Variants in VWA8 observed in about 807,000 individuals in gnomAD.
VWA8 encodes the protein von Willebrand factor A domain-containing protein 8.
In VWA8, 221 loss-of-function variants were observed where a neutral mutation model predicts 241.5. That is an observed-to-expected ratio of 0.91 (90% CI 0.82 to 1.02). VWA8 has a LOEUF of 1.02. VWA8 is among the 50% of genes least tolerant of loss of function. VWA8 has a pLI of 0.00. For synonymous variants in VWA8, 852 were observed against 827.1 expected (o/e 1.03, Z -0.52); for missense variants, 2,322 against 2,328.7 (o/e 1.00, Z 0.06).
intron 12 of VWA8, among the ~76,000 whole-genome samples, chr13:41,864,831 C>CA (rs1471143553): frequency 6.6e-6 from 1 of 151,762 alleles, no homozygotes; most frequent in Non-Finnish European, 1.5e-5. Flanking sequence ...TACTAAAATA[C>CA]AAAAAAATTA....
At chr13:41,786,313 T>G (rs1869185779) in intron 18 of VWA8, among the ~76,000 whole-genome samples, 1 of 152,162 alleles carries the variant, frequency 6.6e-6, no homozygotes, top group Non-Finnish European at 1.5e-5. Flanking sequence ...ACCAGCATAT[T>G]AATTGAAGGG....
At chr13:41,754,739 C>T (rs2045681520) in intron 21 of VWA8, among the ~76,000 whole-genome samples, 1 of 152,084 alleles carries the variant, frequency 6.6e-6, no homozygotes. Context: ...ACCATACTTA[C>T]TTCCGCAACA....
chr13:41,685,114 TAA>T lies in VWA8; in HGVS notation c.4258_4259del (p.Leu1420ArgfsTer37), dbSNP rs2045126562. 6.2e-7 allele frequency: 1 copy of T among 1,613,676 alleles called. No individual in the cohort carries two copies. Among genetic ancestry groups the T allele is most frequent in the Non-Finnish European group, 8.5e-7 (1 of 1,179,742 alleles). ...AAATCCTCACTACCTGATTCGTATC[TAA>T]AAGAGTCACACAATTGCTTTGTTTT... is the stretch of plus-strand genomic sequence containing the variant. ...TPKQSNCVTL[L>X]DTNQVVRILP... On this transcript the variant is annotated frameshift_variant, in exon 35 of 45. Transcript: ENST00000379310. LOFTEE classifies it high-confidence loss of function.
intron 26 of VWA8, among the ~76,000 whole-genome samples, chr13:41,709,217 T>G (rs2045301483): frequency 6.6e-6 from 1 of 152,136 alleles, no homozygotes; most frequent in African/African-American, 2.4e-5. Context: ...CTTACTAGAG[T>G]GTTAATGCAT....
chr13:41,722,223 G>A (rs2045398594), intron 24 of VWA8, among the ~76,000 whole-genome samples: 1 of 152,148 alleles, frequency 6.6e-6, no homozygotes, highest in African/African-American at 2.4e-5. Flanking sequence ...GAGTAAACCT[G>A]TAGAGACATT....
At chr13:41,754,104 G>T (rs2045675858) in intron 21 of VWA8, among the ~76,000 whole-genome samples, 1 of 152,072 alleles carries the variant, frequency 6.6e-6, no homozygotes, top group Non-Finnish European at 1.5e-5. Context: ...AATCTTCAGT[G>T]TATGTATTTT....
At chr13:41,860,090 C>A (rs1482389789) in intron 12 of VWA8, among the ~76,000 whole-genome samples, 1 of 152,106 alleles carries the variant, frequency 6.6e-6, no homozygotes, top group African/African-American at 2.4e-5. Flanking sequence ...TAATAAAAAG[C>A]AACTGATTAT....
At chr13:41,738,887 G>C (rs539220303) in intron 21 of VWA8, among the ~76,000 whole-genome samples, 4 of 152,250 alleles carry the variant, frequency 2.6e-5, no homozygotes, top group South Asian at 4.1e-4. Flanking sequence ...GATGCAACCA[G>C]CATGTGTGGC....
At chr13:41,748,553 C>T (rs1280448293) in intron 21 of VWA8, among the ~76,000 whole-genome samples, 1 of 152,148 alleles carries the variant, frequency 6.6e-6, no homozygotes, top group Non-Finnish European at 1.5e-5. Flanking sequence ...AAACTAGCTC[C>T]TAGATCCACT....
intron 17 of VWA8, among the ~76,000 whole-genome samples, chr13:41,805,388 G>C (rs1293234632): frequency 1.3e-5 from 2 of 152,132 alleles, no homozygotes; most frequent in Non-Finnish European, 2.9e-5. Flanking sequence ...AAATATATAT[G>C]CACCCAATAC....
At chr13:41,806,001 T>A (rs12872293) in intron 17 of VWA8, among the ~76,000 whole-genome samples, 1,753 of 117,608 alleles carry the variant, frequency 0.015, 1 homozygote, top group Middle Eastern at 0.022. Flanking sequence ...AATTCAAAAA[T>A]AAAAAAAAAA....
At chr13:41,634,725 A>T (rs2044746389) in intron 37 of VWA8, among the ~76,000 whole-genome samples, 1 of 151,512 alleles carries the variant, frequency 6.6e-6, no homozygotes. Flanking sequence ...AAAACAGACT[A>T]AATTATTTCT....
chr13:41,957,928 C>T (rs1223832303), intron 1 of VWA8, among the ~76,000 whole-genome samples: 2 of 152,226 alleles, frequency 1.3e-5, no homozygotes, highest in African/African-American at 4.8e-5. Context: ...ATATTTGAAT[C>T]CATTTAACAT....
intron 44 of VWA8, 39 bp downstream of exon 44, chr13:41,570,429 C>G (rs2044292573): frequency 1.3e-6 from 2 of 1,569,064 alleles, no homozygotes; most frequent in African/African-American, 1.4e-5. Flanking sequence ...CTCAGTATCT[C>G]TGTACCTGCC....
At chr13:41,572,843 C>A (rs1426247792) in intron 43 of VWA8, among the ~76,000 whole-genome samples, 1 of 148,736 alleles carries the variant, frequency 6.7e-6, no homozygotes, top group East Asian at 2.0e-4. Flanking sequence ...GGCGCGGTGG[C>A]TCACGTCTGT....
intron 12 of VWA8, among the ~76,000 whole-genome samples, chr13:41,854,683 T>C (rs556661740): frequency 6.6e-6 from 1 of 152,170 alleles, no homozygotes; most frequent in Non-Finnish European, 1.5e-5. Flanking sequence ...CATCTTACAA[T>C]TGAGTGCCTC....
chr13:41,583,961 G>A lies in VWA8; in HGVS notation c.5271+3551C>T, dbSNP rs116162812. Among the ~76,000 whole-genome samples the A allele has an allele frequency of 2.7e-3, 413 of 152,256 alleles. 1 individual carries two copies. Among genetic ancestry groups the A allele is most frequent in the African/African-American group, 9.2e-3 (384 of 41,558 alleles). ...ATGGTATTGAAGTTTTTTAGAGAAT[G>A]TCCTTACTCTTAGGAGACATATAAT... is the stretch of plus-strand genomic sequence containing the variant. On this transcript the variant is annotated intron_variant, in intron 42 of 44. Coordinates refer to ENST00000379310, the MANE Select transcript of VWA8 (RefSeq NM_015058.2).
chr13:41,936,795 T>C (rs1192261254), intron 2 of VWA8, among the ~76,000 whole-genome samples: 1 of 152,186 alleles, frequency 6.6e-6, no homozygotes, highest in Non-Finnish European at 1.5e-5. Context: ...GTAACAGACA[T>C]GTTAATTAGC....
rs989976032 is a variant in VWA8 at position 41,642,352 on chromosome 13, G to C, written c.4612-27268C>G. Among the ~76,000 whole-genome samples, 2 of 152,078 alleles carry C rather than the reference G, an allele frequency of 1.3e-5. 1 individual carries two copies. The highest frequency in any genetic ancestry group is 2.9e-5 in the Non-Finnish European group (2 of 68,016). On this transcript the variant is annotated intron_variant, in intron 37 of 44. Coordinates refer to ENST00000379310, the MANE Select transcript of VWA8 (RefSeq NM_015058.2). Reference sequence around the variant, plus strand: ...AGGCAGGCAGATCACGAGGTCAGGAGTTCGAGACCAGCCTGGCCATCATAG... The same window carrying C: ...AGGCAGGCAGATCACGAGGTCAGGACTTCGAGACCAGCCTGGCCATCATAG...
Sources: gnomAD v4.1 joint callset for allele counts (sites outside exome capture counted in the v4.1 genomes callset) on GRCh38, gnomAD v4.1.1 for gene constraint, MANE v1.5 for transcripts, NCBI Gene and HGNC (gene_info 2026-07-23, HGNC 2026-07-21) for gene names.